The following PDE5A variants were observed in gnomAD, a reference collection of about 807,000 sequenced individuals.
The protein encoded by PDE5A is cGMP-specific 3',5'-cyclic phosphodiesterase.
Under a neutral mutation model 110.2 loss-of-function variants are expected in PDE5A, and 67 were observed. The observed-to-expected ratio is 0.61, with a 90% CI of 0.50 to 0.75. The LOEUF (loss-of-function observed/expected upper bound fraction) is 0.75, where lower values mean the gene tolerates loss of function less well. PDE5A is among the 30% of genes least tolerant of loss of function. The pLI is 0.00. For synonymous variants in PDE5A, 328 were observed against 351.2 expected (o/e 0.93, Z 0.74); for missense variants, 862 against 1,045.1 (o/e 0.82, Z 2.42).
chr4:119,623,968 A>G (rs1730251347), intron 1 of PDE5A, among the ~76,000 whole-genome samples: 1 of 152,224 alleles, frequency 6.6e-6, no homozygotes, highest in South Asian at 2.1e-4. Context: ...AAAACACTAG[A>G]GATAGAAGAG....
chr4:119,557,494 G>T (rs191087670), intron 7 of PDE5A, among the ~76,000 whole-genome samples: 309 of 152,224 alleles, frequency 2.0e-3, no homozygotes, highest in Middle Eastern at 3.4e-3. Flanking sequence ...TGGGATGAGA[G>T]AATTAGGTAC....
At chr4:119,570,534 G>A (rs914223551) in intron 3 of PDE5A, among the ~76,000 whole-genome samples, 14 of 152,148 alleles carry the variant, frequency 9.2e-5, no homozygotes, top group African/African-American at 3.4e-4. Context: ...TCCTCACAGG[G>A]TCGAGTGTTC....
At chr4:119,613,824 A>G (rs1729840916) in intron 1 of PDE5A, among the ~76,000 whole-genome samples, 1 of 152,094 alleles carries the variant, frequency 6.6e-6, no homozygotes, top group Non-Finnish European at 1.5e-5. Flanking sequence ...TTTCTAAAAT[A>G]TGAAGCTAAT....
At chr4:119,605,321 C>T (rs55666375) in intron 2 of PDE5A, among the ~76,000 whole-genome samples, 8 of 152,160 alleles carry the variant, frequency 5.3e-5, no homozygotes, top group South Asian at 2.1e-4. Context: ...TCAAATTTTC[C>T]GGGATCTGTA....
chr4:119,628,714 C>A lies in PDE5A; in HGVS notation c.-43G>T. ...TCGGAGGCTCTCTGGTACTGCTTTT[C>A]CACCCCAGCTGGGGTCCGTCCCTCA... On this transcript the variant is annotated 5_prime_UTR_variant, in exon 1 of 21. Coordinates refer to ENST00000354960, the MANE Select transcript of PDE5A (RefSeq NM_001083.4). 1 of 1,602,466 alleles carries A rather than the reference C, an allele frequency of 6.2e-7. No homozygotes were observed. Among genetic ancestry groups the A allele is most frequent in the Non-Finnish European group, 8.5e-7 (1 of 1,178,490 alleles).
intron 1 of PDE5A, among the ~76,000 whole-genome samples, chr4:119,607,864 A>T (rs1049076738): frequency 1.3e-5 from 2 of 152,252 alleles, no homozygotes; most frequent in African/African-American, 4.8e-5. Context: ...TACCAAGCAT[A>T]AAGTCTGCTT....
At position 119,628,581 on chromosome 4, in the gene PDE5A, C is replaced by G; in HGVS notation, c.91G>C (p.Glu31Gln). Reference sequence around the variant, plus strand: ...TCCCAGTGATCGTCCAGCCATGCTTCGACCGAGTCCTGATCCCTCTGCTGC... The same window carrying G: ...TCCCAGTGATCGTCCAGCCATGCTTGGACCGAGTCCTGATCCCTCTGCTGC... ...KQQQRDQDSV[E>Q]AWLDDHWDFT... The change falls in exon 1 of 21, where the codon GAA (glutamate) becomes CAA (glutamine). Residue 31 changes from glutamate to glutamine, a missense_variant. Physicochemically the swap from Glu to Gln is conservative, Grantham distance 29 (BLOSUM62 2). Transcript: ENST00000354960. 6.2e-7 allele frequency: 1 copy of G among 1,612,364 alleles called. No individual in the cohort carries two copies. Among genetic ancestry groups the G allele is most frequent in the Admixed American group, 1.7e-5 (1 of 59,886 alleles).
chr4:119,510,993 CTG>C (rs1725724500), intron 15 of PDE5A, 52 bp downstream of exon 15: 23 of 1,042,242 alleles, frequency 2.2e-5, no homozygotes, highest in Non-Finnish European at 3.2e-5. Context: ...AAAAATAAAA[CTG>C]AATTTATAAA....
At chr4:119,530,610 A>T (rs972064496) in intron 11 of PDE5A, among the ~76,000 whole-genome samples, 3 of 152,134 alleles carry the variant, frequency 2.0e-5, no homozygotes, top group African/African-American at 7.2e-5. Context: ...TAATTATACA[A>T]ATTGTATAAT....
At position 119,555,023 on chromosome 4, in the gene PDE5A, A is replaced by G. The variant is rs540948357; in HGVS notation, c.1200-1277T>C. ...GTTTCCAAAGTTCCAATGTTTTGCTATCTTCTGTCCTTCCCACCCAACCTG... is the reference window on the plus strand; with the variant it reads ...GTTTCCAAAGTTCCAATGTTTTGCTGTCTTCTGTCCTTCCCACCCAACCTG... On this transcript the variant is annotated intron_variant, in intron 7 of 20. Coordinates refer to ENST00000354960, the MANE Select transcript of PDE5A (RefSeq NM_001083.4). Among the ~76,000 whole-genome samples the G allele has an allele frequency of 2.0e-5, 3 of 152,256 alleles. No homozygotes were observed. The South Asian group carries it at 6.2e-4, about 32-fold the overall frequency.
rs754367878 is a variant in PDE5A at position 119,628,600 on chromosome 4, C to CT, written c.71dup (p.Arg25GlufsTer23). 17 of 1,613,788 alleles carry CT rather than the reference C, an allele frequency of 1.1e-5. No individual in the cohort carries two copies. Among genetic ancestry groups the CT allele is most frequent in the Non-Finnish European group, 1.4e-5 (16 of 1,179,918 alleles). Reference sequence around the variant, plus strand: ...ATGCTTCGACCGAGTCCTGATCCCTCTGCTGCTGCTTCTGCTGCTGGGGCT... The same window carrying CT: ...ATGCTTCGACCGAGTCCTGATCCCTCTTGCTGCTGCTTCTGCTGCTGGGGCT... On this transcript the variant is annotated frameshift_variant, in exon 1 of 21. Transcript: ENST00000354960. LOFTEE classifies it high-confidence loss of function.
At chr4:119,507,748 G>T in intron 15 of PDE5A, 44 bp from the exon 16 acceptor site, 1 of 1,263,296 alleles carries the variant, frequency 7.9e-7, no homozygotes, top group Non-Finnish European at 1.1e-6. Flanking sequence ...TGGAGAAGCT[G>T]CTGACAAGAA....
intron 1 of PDE5A, among the ~76,000 whole-genome samples, chr4:119,623,063 T>A (rs6534148): frequency 1.3e-5 from 2 of 150,986 alleles, no homozygotes; most frequent in African/African-American, 2.4e-5. Flanking sequence ...TAATTTAAAA[T>A]GAGAATATCA....
At position 119,582,034 on chromosome 4, in the gene PDE5A, T is replaced by C. The variant is rs186951597; in HGVS notation, c.831+14489A>G. Among the ~76,000 whole-genome samples the C allele has an allele frequency of 1.3e-4, 20 of 152,308 alleles. No individual in the cohort carries two copies. The East Asian group carries it at 3.3e-3, about 25-fold the overall frequency. Reference sequence around the variant, plus strand: ...GGACGGGGCTGTTGTGGAAATTTCTTAGCATAAGACAACAATGAAGTTGCC... The same window carrying C: ...GGACGGGGCTGTTGTGGAAATTTCTCAGCATAAGACAACAATGAAGTTGCC... On this transcript the variant is annotated intron_variant, in intron 3 of 20. Transcript: ENST00000354960.
At chr4:119,593,031 A>C (rs910606093) in intron 3 of PDE5A, among the ~76,000 whole-genome samples, 3 of 152,200 alleles carry the variant, frequency 2.0e-5, no homozygotes, top group African/African-American at 7.2e-5. Flanking sequence ...ATGAAATTTA[A>C]ATCATCTCTC....
chr4:119,569,030 T>G (rs910524308), intron 3 of PDE5A, among the ~76,000 whole-genome samples: 1 of 150,916 alleles, frequency 6.6e-6, no homozygotes, highest in Non-Finnish European at 1.5e-5. Context: ...TTCCTTTCAG[T>G]CTTTTTTTTT....
chr4:119,526,184 CA>C (rs1726311526), intron 11 of PDE5A, among the ~76,000 whole-genome samples: 2 of 152,088 alleles, frequency 1.3e-5, no homozygotes, highest in African/African-American at 4.8e-5. Context: ...TTTTCAAGTA[CA>C]GGAACTTAAG....
At chr4:119,580,160 G>A (rs1014384868) in intron 3 of PDE5A, among the ~76,000 whole-genome samples, 2 of 151,992 alleles carry the variant, frequency 1.3e-5, no homozygotes, top group African/African-American at 4.8e-5. Flanking sequence ...CATAATTATT[G>A]ATCCTAGTGT....
In PDE5A at chr4:119,495,188, TC is replaced by T. The variant is rs1725017591; in HGVS notation, c.*3412del. On this transcript the variant is annotated 3_prime_UTR_variant, in exon 21 of 21. Coordinates refer to ENST00000354960, the MANE Select transcript of PDE5A (RefSeq NM_001083.4). ...AAATGATGCAGTATACCCCATGTTC[TC>T]ACATTAAATTGGCAGTATCAGAAGC... is the stretch of plus-strand genomic sequence containing the variant. 1 of 152,142 alleles carries T rather than the reference TC, an allele frequency of 6.6e-6. No individual in the cohort carries two copies. The allele number at this position is 152,142 out of a possible 1,614,324, so 9.4% of individuals were successfully genotyped here. A position where few individuals can be genotyped will look rare whatever the true frequency, so the allele number is the denominator to read the frequency against.
Sources: gnomAD v4.1 joint callset for allele counts (sites outside exome capture counted in the v4.1 genomes callset) on GRCh38, gnomAD v4.1.1 for gene constraint, MANE v1.5 for transcripts, NCBI Gene and HGNC (gene_info 2026-07-23, HGNC 2026-07-21) for gene names.